The following HS3ST4 variants were observed in gnomAD, a reference collection of about 807,000 sequenced individuals.
HS3ST4 encodes heparan sulfate glucosamine 3-O-sulfotransferase 4.
In HS3ST4, 17 loss-of-function variants were observed where a neutral mutation model predicts 29.2. The observed-to-expected ratio is 0.58, with a 90% CI of 0.40 to 0.87. The LOEUF is 0.87. Among genes scored for constraint, HS3ST4 ranks in the 40% least tolerant of loss-of-function variants. The probability of loss-of-function intolerance (pLI) is 0.00; values close to 1 mark genes in which losing one functional copy is unlikely to be tolerated. For missense variants in HS3ST4, 627 were observed against 634.5 expected (o/e 0.99, Z 0.13); for synonymous variants, 314 against 285.7 (o/e 1.10, Z -1.00).
At chr16:26,113,317 G>C (rs1899157521) in intron 1 of HS3ST4, among the ~76,000 whole-genome samples, 1 of 151,814 alleles carries the variant, frequency 6.6e-6, no homozygotes, top group African/African-American at 2.4e-5. Flanking sequence ...GTAGCGGCGG[G>C]CACCTGTAAT....
intron 1 of HS3ST4, among the ~76,000 whole-genome samples, chr16:25,741,841 C>T (rs1966655891): frequency 6.6e-6 from 1 of 152,092 alleles, no homozygotes; most frequent in African/African-American, 2.4e-5. Flanking sequence ...TTGCCCAAGG[C>T]CACACAGTGC....
intron 1 of HS3ST4, among the ~76,000 whole-genome samples, chr16:25,901,537 G>T (rs1968119503): frequency 6.6e-6 from 1 of 152,264 alleles, no homozygotes; most frequent in African/African-American, 2.4e-5. Flanking sequence ...CAGGCGTGGT[G>T]GCTGGTGCAC....
intron 1 of HS3ST4, among the ~76,000 whole-genome samples, chr16:25,900,765 C>A (rs1299838524): frequency 6.6e-6 from 1 of 152,090 alleles, no homozygotes; most frequent in Non-Finnish European, 1.5e-5. Flanking sequence ...CCCCAAACTC[C>A]CGGCACTGTA....
chr16:26,071,877 A>G (rs1038121659), intron 1 of HS3ST4, among the ~76,000 whole-genome samples: 4 of 152,142 alleles, frequency 2.6e-5, no homozygotes, highest in Non-Finnish European at 4.4e-5. Context: ...TCATGTTAGC[A>G]TATAACTAAG....
chr16:25,773,802 C>A (rs1427999973), intron 1 of HS3ST4, among the ~76,000 whole-genome samples: 2 of 152,208 alleles, frequency 1.3e-5, no homozygotes, highest in Non-Finnish European at 2.9e-5. Context: ...CCCCTGCCAT[C>A]CTCCTCTCTT....
intron 1 of HS3ST4, among the ~76,000 whole-genome samples, chr16:25,792,042 AC>A (rs1310211709): frequency 1.3e-5 from 2 of 152,002 alleles, no homozygotes; most frequent in Admixed American, 6.5e-5. Flanking sequence ...CATTTCATAA[AC>A]AATTTGCTTC....
chr16:26,092,207 A>G (rs6497916), intron 1 of HS3ST4, among the ~76,000 whole-genome samples: 82,050 of 151,904 alleles, frequency 0.54, 22,909 homozygotes, highest in African/African-American at 0.67. Flanking sequence ...TCCCTAACCC[A>G]GCCCACGTCT....
intron 1 of HS3ST4, among the ~76,000 whole-genome samples, chr16:26,018,595 A>AT (rs2141745172): frequency 6.6e-6 from 1 of 152,180 alleles, no homozygotes; most frequent in East Asian, 1.9e-4. Context: ...AGGCTATGAG[A>AT]TTTTTCCAGG....
intron 1 of HS3ST4, among the ~76,000 whole-genome samples, chr16:26,099,143 T>C (rs1024098956): frequency 9.2e-5 from 14 of 152,128 alleles, no homozygotes; most frequent in African/African-American, 3.4e-4. Context: ...AAGTCAAACA[T>C]CTGGTATATG....
At chr16:25,772,968 C>T (rs971078864) in intron 1 of HS3ST4, among the ~76,000 whole-genome samples, 7 of 152,056 alleles carry the variant, frequency 4.6e-5, no homozygotes, top group Non-Finnish European at 5.9e-5. Context: ...TACAAGGTAT[C>T]GAAGGGATTC....
At chr16:25,757,429 T>C (rs1267088790) in intron 1 of HS3ST4, among the ~76,000 whole-genome samples, 2 of 152,092 alleles carry the variant, frequency 1.3e-5, no homozygotes, top group South Asian at 2.1e-4. Flanking sequence ...TTGCATTTCT[T>C]ATAAGTTGAA....
At chr16:25,861,555 T>A (rs1967636983) in intron 1 of HS3ST4, among the ~76,000 whole-genome samples, 2 of 152,164 alleles carry the variant, frequency 1.3e-5, no homozygotes, top group Admixed American at 1.3e-4. Flanking sequence ...AAAACATTTA[T>A]GAAAAGCGCA....
In HS3ST4 at chr16:25,956,867, G is replaced by A. The variant is rs150828665; in HGVS notation, c.735-178745G>A. On this transcript the variant is annotated intron_variant, in intron 1 of 1. Transcript: ENST00000331351. ...CAAAAAATTAGCCAGGTTTGGTGGT[G>A]GGCGCATGTAATCTCAGCTACTTGG... Among the ~76,000 whole-genome samples, 35 of 152,072 alleles carry A rather than the reference G, an allele frequency of 2.3e-4. 1 individual carries two copies. Among genetic ancestry groups the A allele is most frequent in the Admixed American group, 7.9e-4 (12 of 15,278 alleles).
At chr16:25,978,945 T>TTTG (rs1555476137) in intron 1 of HS3ST4, among the ~76,000 whole-genome samples, 2 of 149,010 alleles carry the variant, frequency 1.3e-5, no homozygotes, top group South Asian at 2.1e-4. Context: ...TCTTTTTGTT[T>TTTG]TTTTTTTTTT....
intron 1 of HS3ST4, among the ~76,000 whole-genome samples, chr16:26,120,317 A>G (rs1899259162): frequency 1.3e-5 from 2 of 152,160 alleles, no homozygotes; most frequent in African/African-American, 2.4e-5. Flanking sequence ...TCAGGTCTAA[A>G]TACAGCCACC....
intron 1 of HS3ST4, among the ~76,000 whole-genome samples, chr16:26,095,505 C>T (rs1898912174): frequency 6.6e-6 from 1 of 152,150 alleles, no homozygotes; most frequent in African/African-American, 2.4e-5. Flanking sequence ...ACAACTTGCT[C>T]CTGAATGACT....
chr16:26,111,148 G>A (rs1461228621), intron 1 of HS3ST4, among the ~76,000 whole-genome samples: 2 of 151,946 alleles, frequency 1.3e-5, no homozygotes, highest in African/African-American at 4.8e-5. Flanking sequence ...CTGAAGCCTG[G>A]ACCTTCTGGG....
At chr16:25,764,302 C>T (rs1001487587) in intron 1 of HS3ST4, among the ~76,000 whole-genome samples, 1 of 152,184 alleles carries the variant, frequency 6.6e-6, no homozygotes. Flanking sequence ...GGCATATTTG[C>T]ACCTACTCTA....
chr16:25,936,670 A>G (rs1968519674), intron 1 of HS3ST4, among the ~76,000 whole-genome samples: 1 of 152,248 alleles, frequency 6.6e-6, no homozygotes, highest in Non-Finnish European at 1.5e-5. Context: ...TGTGTCAGGG[A>G]ATGTGCCCCT....
Sources: gnomAD v4.1 joint callset for allele counts (sites outside exome capture counted in the v4.1 genomes callset) on GRCh38, gnomAD v4.1.1 for gene constraint, MANE v1.5 for transcripts, NCBI Gene and HGNC (gene_info 2026-07-23, HGNC 2026-07-21) for gene names.